RYR2: variants seen among roughly 807,000 people sequenced by gnomAD.
The protein encoded by RYR2 is cardiac muscle ryanodine receptor-calcium release channel.
A neutral mutation model predicts 601.1 loss-of-function variants in RYR2; 227 were observed. That is an observed-to-expected ratio of 0.38 (90% CI 0.34 to 0.42). RYR2 has a LOEUF of 0.42. Ranked by LOEUF, RYR2 falls within the 10% of genes least tolerant of loss-of-function variation. The probability of loss-of-function intolerance (pLI) is 1.00; values close to 1 mark genes in which losing one functional copy is unlikely to be tolerated. For synonymous variants in RYR2, 2,223 were observed against 2,175.1 expected (o/e 1.02, Z -0.61); for missense variants, 4,646 against 6,156.5 (o/e 0.75, Z 8.21).
Position 237,627,795 on chromosome 1 carries a change from A to G in RYR2, c.6167-12A>G. On this transcript the variant is annotated splice_polypyrimidine_tract_variant and intron_variant, in intron 40 of 104. Coordinates refer to ENST00000366574, the MANE Select transcript of RYR2 (RefSeq NM_001035.3). ...ATTTTTCTTTTAAAAAATATCCATA[A>G]TGACTTTGCAGCCACTCTGCAGCAG... 6.3e-7 allele frequency: 1 copy of G among 1,581,334 alleles called. No individual in the cohort carries two copies. The highest frequency in any genetic ancestry group is 8.6e-7 in the Non-Finnish European group (1 of 1,158,800).
intron 1 of RYR2, among the ~76,000 whole-genome samples, chr1:237,203,033 C>G (rs376987119): frequency 3.3e-5 from 5 of 152,130 alleles, no homozygotes; most frequent in African/African-American, 1.2e-4. Flanking sequence ...ATGCTGTGGC[C>G]CAGACAGCAG....
At chr1:237,238,074 C>T (rs1335664699) in intron 1 of RYR2, among the ~76,000 whole-genome samples, 2 of 151,180 alleles carry the variant, frequency 1.3e-5, no homozygotes, top group Non-Finnish European at 3.0e-5. Flanking sequence ...CCCATCTCAG[C>T]CTCCTGAGTA....
chr1:237,574,808 T>C (rs896668862), intron 29 of RYR2, among the ~76,000 whole-genome samples: 1 of 152,182 alleles, frequency 6.6e-6, no homozygotes, highest in African/African-American at 2.4e-5. Context: ...GCTTGGAAGA[T>C]GACTCCAACC....
At chr1:237,136,673 A>G (rs1045733033) in intron 1 of RYR2, among the ~76,000 whole-genome samples, 1 of 152,196 alleles carries the variant, frequency 6.6e-6, no homozygotes, top group Non-Finnish European at 1.5e-5. Flanking sequence ...ATGGGAAAGC[A>G]AAGTTATGTT....
intron 37 of RYR2, among the ~76,000 whole-genome samples, chr1:237,616,254 A>T (rs1017102004): frequency 4.6e-5 from 7 of 152,208 alleles, no homozygotes; most frequent in Non-Finnish European, 1.0e-4. Context: ...ATGTATTTAT[A>T]TCACAATTGG....
chr1:237,137,804 CT>C (rs1558302679), intron 1 of RYR2, among the ~76,000 whole-genome samples: 1 of 151,930 alleles, frequency 6.6e-6, no homozygotes, highest in African/African-American at 2.4e-5. Context: ...TGTTTTTAAC[CT>C]TTCTTATTAT....
Position 237,666,546 on chromosome 1 carries a change from G to A in RYR2, c.8471G>A (p.Arg2824Gln), listed in dbSNP as rs763223915. 6.8e-6 allele frequency: 11 copies of A among 1,612,340 alleles called. No homozygotes were observed. Among genetic ancestry groups the A allele is most frequent in the East Asian group, 2.2e-5 (1 of 44,844 alleles). ...GACGCTGCCCATGGTTACAGTCCCCGGGCCATTGACATGAGCAATGTTACA... is the reference window on the plus strand; with the variant it reads ...GACGCTGCCCATGGTTACAGTCCCCAGGCCATTGACATGAGCAATGTTACA... ...SVDAAHGYSPRAIDMSNVTLS... is the reference protein window; with the variant it reads ...SVDAAHGYSPQAIDMSNVTLS... Residue 2824 changes from arginine to glutamine, a missense_variant, in exon 57 of 105, where the codon CGG (arginine) becomes CAG (glutamine). Physicochemically the swap from Arg to Gln is conservative, Grantham distance 43. This residue lies in a region of RYR2 where 1,497 missense variants were observed against 1,842.6 expected (regional missense o/e 0.81). Coordinates refer to ENST00000366574, the MANE Select transcript of RYR2 (RefSeq NM_001035.3).
chr1:237,183,283 G>A (rs571358422), intron 1 of RYR2, among the ~76,000 whole-genome samples: 1 of 152,318 alleles, frequency 6.6e-6, no homozygotes, highest in African/African-American at 2.4e-5. Flanking sequence ...GAAGCATTTG[G>A]TAGAGGAGGA....
At chr1:237,149,572 A>C (rs1674473693) in intron 1 of RYR2, among the ~76,000 whole-genome samples, 2 of 151,902 alleles carry the variant, frequency 1.3e-5, no homozygotes, top group South Asian at 4.1e-4. Flanking sequence ...ACAAGACAGT[A>C]GCAGAAAAAT....
chr1:237,388,138 A>G lies in RYR2; in HGVS notation c.728A>G (p.Glu243Gly), dbSNP rs753663342. ...VLRLLHGHMD[E>G]CLTVPSGEHG... is the part of the protein sequence containing the mutation. ...AGGTTGCTGCATGGACACATGGACG[A>G]GTGTCTCACTGTCCCTTCAGGAGAA... The change falls in exon 10 of 105, where the codon GAG becomes GGG. Residue 243 changes from glutamate to glycine, a missense_variant. By Grantham distance (98) the Glu-to-Gly change is moderately conservative. Transcript: ENST00000366574. The G allele has an allele frequency of 3.7e-6, 6 of 1,613,968 alleles. No homozygotes were observed. Among genetic ancestry groups the G allele is most frequent in the Non-Finnish European group, 5.1e-6 (6 of 1,179,892 alleles).
intron 51 of RYR2, among the ~76,000 whole-genome samples, chr1:237,651,785 C>T (rs1020814146): frequency 2.6e-5 from 4 of 151,998 alleles, no homozygotes; most frequent in African/African-American, 4.8e-5. Context: ...CGCCTGTAAT[C>T]CCAGCACTTT....
chr1:237,799,706 T>C (rs1429176550), intron 97 of RYR2, among the ~76,000 whole-genome samples: 2 of 152,242 alleles, frequency 1.3e-5, no homozygotes, highest in African/African-American at 4.8e-5. Flanking sequence ...GATTTCTATA[T>C]GAACGCTATC....
At chr1:237,234,344 C>G (rs774331276) in intron 1 of RYR2, among the ~76,000 whole-genome samples, 16 of 152,254 alleles carry the variant, frequency 1.1e-4, no homozygotes, top group Non-Finnish European at 2.1e-4. Flanking sequence ...CCTTTATCAA[C>G]CCTTTGGCTG....
rs748788260 is a variant in RYR2 at position 237,610,758 on chromosome 1, C to T, written c.4684-4C>T. 3.1e-6 allele frequency: 5 copies of T among 1,595,768 alleles called. No homozygotes were observed. Among genetic ancestry groups the T allele is most frequent in the Non-Finnish European group, 4.3e-6 (5 of 1,170,964 alleles). The stretch of plus-strand genomic sequence containing the variant: ...TATTCTTTTTCTGCCTCCCCATCCG[C>T]TAGAATGTGATGCCTCTCTCGGCGG... On this transcript the variant is annotated splice_region_variant and splice_polypyrimidine_tract_variant and intron_variant, in intron 35 of 104. Transcript: ENST00000366574. The surrounding 1 kb of genome is among the most constrained non-coding windows in gnomAD (Gnocchi z 4.9).
At chr1:237,461,411 C>T (rs1161984547) in intron 16 of RYR2, among the ~76,000 whole-genome samples, 1 of 152,128 alleles carries the variant, frequency 6.6e-6, no homozygotes, top group Non-Finnish European at 1.5e-5. Context: ...GTTTACACCC[C>T]TCTTTTAAGA....
At chr1:237,108,615 C>T (rs992414595) in intron 1 of RYR2, among the ~76,000 whole-genome samples, 2 of 152,192 alleles carry the variant, frequency 1.3e-5, no homozygotes, top group African/African-American at 4.8e-5. Context: ...TCCTGAGGCA[C>T]ATAGGAAGTA....
At chr1:237,451,463 G>A (rs1212534793) in intron 14 of RYR2, among the ~76,000 whole-genome samples, 1 of 151,478 alleles carries the variant, frequency 6.6e-6, no homozygotes, top group Non-Finnish European at 1.5e-5. Context: ...AATCTCAGCT[G>A]TTCTGGAGGC....
intron 25 of RYR2, among the ~76,000 whole-genome samples, chr1:237,538,452 G>A (rs887554574): frequency 2.5e-5 from 3 of 120,406 alleles, no homozygotes; most frequent in East Asian, 2.4e-4. Context: ...GATGGTATTC[G>A]TTTCAGAAGG....
At chr1:237,696,361 C>T (rs1047086737) in intron 63 of RYR2, among the ~76,000 whole-genome samples, 4 of 152,086 alleles carry the variant, frequency 2.6e-5, no homozygotes, top group Admixed American at 2.0e-4. Context: ...TTCCCATTGT[C>T]TATACTGCAT....
Sources: allele counts gnomAD v4.1 joint callset (sites outside exome capture counted in the v4.1 genomes callset), GRCh38; gene constraint gnomAD v4.1.1; regional missense constraint gnomAD v4.1.1; non-coding constraint Gnocchi (gnomAD v3.1); transcripts MANE v1.5; gene names NCBI Gene and HGNC (gene_info 2026-07-23, HGNC 2026-07-21).